Variants in SLC17A8 observed in about 807,000 individuals in gnomAD.
SLC17A8 encodes the protein vesicular glutamate transporter 3.
In SLC17A8, 31 loss-of-function variants were observed where a neutral mutation model predicts 58.0. The observed-to-expected ratio is 0.53, with a 90% CI of 0.40 to 0.72. The LOEUF (loss-of-function observed/expected upper bound fraction) is 0.72, where lower values mean the gene tolerates loss of function less well. Among genes scored for constraint, SLC17A8 ranks in the 30% least tolerant of loss-of-function variants. The pLI is 0.00. For synonymous variants in SLC17A8, 228 were observed against 249.0 expected, an observed-to-expected ratio of 0.92 and a Z score of 0.79; for missense variants, 655 against 727.8, an observed-to-expected ratio of 0.90 and a Z score of 1.15.
At chr12:100,413,932 G>A (rs1420859397) in intron 10 of SLC17A8, among the ~76,000 whole-genome samples, 2 of 152,004 alleles carry the variant, frequency 1.3e-5, no homozygotes, top group East Asian at 1.9e-4. Context: ...AGCTGAGTTC[G>A]TGCCACTGCA....
intron 1 of SLC17A8, among the ~76,000 whole-genome samples, chr12:100,377,586 T>TATA (rs57938207): frequency 0.02 from 851 of 42,852 alleles, 4 homozygotes; most frequent in African/African-American, 0.07. Context: ...TATATATATA[T>TATA]TTTTTTTTTT....
chr12:100,358,131 G>A (rs974201532), intron 1 of SLC17A8, among the ~76,000 whole-genome samples: 1 of 152,088 alleles, frequency 6.6e-6, no homozygotes, highest in Non-Finnish European at 1.5e-5. Context: ...ATATATTAAT[G>A]GAAGGAGAGT....
At chr12:100,419,342 G>A (rs996454142) in intron 11 of SLC17A8, among the ~76,000 whole-genome samples, 7 of 152,050 alleles carry the variant, frequency 4.6e-5, no homozygotes, top group African/African-American at 1.7e-4. Flanking sequence ...AGACCATCCT[G>A]GCTAACACAG....
rs139011647 is a variant in SLC17A8, at chr12:100,363,848, C to T, written c.101+6356C>T. On this transcript the variant is annotated intron_variant, in intron 1 of 11. Transcript: ENST00000323346. ...TTGAGGTCAGGAGTTGGAGACCAGC[C>T]TGGTCAACATGGTGAAACATATATT... 8.6e-5 allele frequency among the ~76,000 whole-genome samples: 13 copies of T among 151,970 alleles called. No individual in the cohort carries two copies. In the East Asian group the frequency reaches 2.4e-3, roughly 28 times the overall value.
At chr12:100,399,177 C>A (rs374396323) in intron 5 of SLC17A8, among the ~76,000 whole-genome samples, 1 of 152,098 alleles carries the variant, frequency 6.6e-6, no homozygotes, top group Admixed American at 6.6e-5. Flanking sequence ...CTCTTTCTCA[C>A]CCCCAGTTCT....
chr12:100,393,466 C>T lies in SLC17A8; in HGVS notation c.571C>T (p.Leu191=), dbSNP rs375360812. 1 of 1,612,862 alleles carries T rather than the reference C, an allele frequency of 6.2e-7. No individual in the cohort carries two copies. The highest frequency in any genetic ancestry group is 8.5e-7 in the Non-Finnish European group (1 of 1,179,136). Residue 191 remains leucine (L), a synonymous_variant, in exon 4 of 12, where the codon CTG becomes TTG. Coordinates refer to ENST00000323346, the MANE Select transcript of SLC17A8 (RefSeq NM_139319.3). ...HYGCVMCVRI[L]QGLVEGVTYP... Reference sequence around the variant, plus strand: ...CGGATGCGTCATGTGTGTCAGAATTCTGCAAGGTTTAGTGGAGGTAGGAGA... The same window carrying T: ...CGGATGCGTCATGTGTGTCAGAATTTTGCAAGGTTTAGTGGAGGTAGGAGA...
chr12:100,374,105 T>C (rs1330950238), intron 1 of SLC17A8, among the ~76,000 whole-genome samples: 1 of 152,176 alleles, frequency 6.6e-6, no homozygotes, highest in African/African-American at 2.4e-5. Context: ...AAATATTTAT[T>C]GTACAGAAGA....
At position 100,398,770 on chromosome 12, in the gene SLC17A8, A is replaced by T. The variant is rs113029294; in HGVS notation, c.676+2353A>T. Among the ~76,000 whole-genome samples the T allele has an allele frequency of 5.1e-3, 775 of 152,232 alleles. 9 individuals carry two copies. Among genetic ancestry groups the T allele is most frequent in the African/African-American group, 0.018 (740 of 41,544 alleles). On this transcript the variant is annotated intron_variant, in intron 5 of 11. Transcript: ENST00000323346. ...GTAGCTCCCATAATTCCCATGTGTT[A>T]TGGGAGGGACCTGGTGGGAATTGAT...
At chr12:100,391,884 G>A (rs1023876423) in intron 3 of SLC17A8, among the ~76,000 whole-genome samples, 1 of 152,160 alleles carries the variant, frequency 6.6e-6, no homozygotes, top group African/African-American at 2.4e-5. Flanking sequence ...GTACCATAAA[G>A]GTTTTCTCAG....
At chr12:100,379,891 G>C (rs1034184964) in intron 1 of SLC17A8, among the ~76,000 whole-genome samples, 3 of 151,968 alleles carry the variant, frequency 2.0e-5, no homozygotes, top group East Asian at 3.9e-4. Flanking sequence ...CCTCCACTTA[G>C]TATTTTATTA....
rs942559679 is a variant in SLC17A8, at chr12:100,398,116, C to T, written c.676+1699C>T. Among the ~76,000 whole-genome samples the T allele has an allele frequency of 2.0e-5, 3 of 152,158 alleles. No homozygotes were observed. The East Asian group carries it at 5.8e-4, about 29-fold the overall frequency. On this transcript the variant is annotated intron_variant, in intron 5 of 11. Transcript: ENST00000323346. ...TTTCTGCATATGTTTTAATTTTCCT[C>T]TTCCTGCTGGCCTTTTACCTCCTTG...
chr12:100,410,781 C>G (rs1358781060), intron 9 of SLC17A8: 1 of 152,184 alleles, frequency 6.6e-6, no homozygotes, highest in African/African-American at 2.4e-5. Flanking sequence ...GTTTCCGAGG[C>G]CAAACCTGCA....
intron 1 of SLC17A8, among the ~76,000 whole-genome samples, chr12:100,371,602 C>G (rs947043076): frequency 2.0e-5 from 3 of 152,208 alleles, no homozygotes; most frequent in African/African-American, 7.2e-5. Context: ...CACTCTGTCA[C>G]CCAGGCTGGA....
intron 3 of SLC17A8, among the ~76,000 whole-genome samples, chr12:100,392,179 A>G (rs902981164): frequency 1.3e-5 from 2 of 152,256 alleles, no homozygotes; most frequent in African/African-American, 2.4e-5. Context: ...CATGAAGTGC[A>G]TTCCATTTTT....
chr12:100,390,637 C>T (rs976409888), intron 2 of SLC17A8, among the ~76,000 whole-genome samples: 4 of 151,810 alleles, frequency 2.6e-5, no homozygotes, highest in Admixed American at 6.6e-5. Context: ...TGTGAGCCAC[C>T]GCACCCGGCC....
At chr12:100,397,598 C>T (rs1477396915) in intron 5 of SLC17A8, among the ~76,000 whole-genome samples, 3 of 152,138 alleles carry the variant, frequency 2.0e-5, no homozygotes, top group Non-Finnish European at 2.9e-5. Flanking sequence ...CATGCCGCTG[C>T]CATCAACACA....
intron 9 of SLC17A8, among the ~76,000 whole-genome samples, chr12:100,408,157 T>G (rs1952840128): frequency 6.6e-6 from 1 of 152,216 alleles, no homozygotes; most frequent in African/African-American, 2.4e-5. Context: ...TAGAAGGCAT[T>G]TCTCATCTGA....
At chr12:100,404,297 C>T (rs1372048104) in intron 9 of SLC17A8, 127 bp downstream of exon 9, 6 of 1,221,650 alleles carry the variant, frequency 4.9e-6, no homozygotes, top group Admixed American at 1.9e-5. Context: ...AAGTCTGTCC[C>T]TCAGCAGACA....
chr12:100,404,452 A>C (rs1952812617), intron 9 of SLC17A8: 1 of 418,778 alleles, frequency 2.4e-6, no homozygotes, highest in Non-Finnish European at 4.5e-6. Context: ...GGTAAGAAAC[A>C]GAAGAAAAGT....
Sources: allele counts gnomAD v4.1 joint callset (sites outside exome capture counted in the v4.1 genomes callset), GRCh38; gene constraint gnomAD v4.1.1; transcripts MANE v1.5; gene names NCBI Gene and HGNC (gene_info 2026-07-23, HGNC 2026-07-21).